Variants in SH3GL2 observed in about 807,000 individuals in gnomAD.
The protein encoded by SH3GL2 is endophilin-A1.
Under a neutral mutation model 46.0 loss-of-function variants are expected in SH3GL2, and 24 were observed. The observed-to-expected ratio is 0.52, with a 90% CI of 0.38 to 0.73. The LOEUF is 0.73. Among genes scored for constraint, SH3GL2 ranks in the 30% least tolerant of loss-of-function variants. The probability of loss-of-function intolerance (pLI) is 0.00; values close to 1 mark genes in which losing one functional copy is unlikely to be tolerated. For synonymous variants in SH3GL2, 196 were observed against 147.1 expected, an observed-to-expected ratio of 1.33 and a Z score of -2.40; for missense variants, 413 against 424.2, an observed-to-expected ratio of 0.97 and a Z score of 0.23.
chr9:17,721,637 A>G (rs1821896166), intron 1 of SH3GL2, among the ~76,000 whole-genome samples: 1 of 151,984 alleles, frequency 6.6e-6, no homozygotes, highest in Admixed American at 6.6e-5. Flanking sequence ...GTATATTTTT[A>G]TGGGCAGCTA....
intron 7 of SH3GL2, among the ~76,000 whole-genome samples, chr9:17,792,787 A>G (rs1303784076): frequency 4.6e-5 from 7 of 152,106 alleles, no homozygotes; most frequent in Non-Finnish European, 8.8e-5. Context: ...ACCCACAACC[A>G]CACCCCTGTG....
chr9:17,662,158 T>C (rs950848640), intron 1 of SH3GL2, among the ~76,000 whole-genome samples: 3 of 152,224 alleles, frequency 2.0e-5, no homozygotes, highest in Non-Finnish European at 4.4e-5. Flanking sequence ...TAGATCCTGT[T>C]GGTTGATGTC....
intron 1 of SH3GL2, among the ~76,000 whole-genome samples, chr9:17,661,800 A>G (rs1191867525): frequency 6.6e-6 from 1 of 152,000 alleles, no homozygotes; most frequent in Non-Finnish European, 1.5e-5. Context: ...TTAAAATCAG[A>G]TAGTCCTGAA....
At chr9:17,698,883 G>A (rs1031108464) in intron 1 of SH3GL2, among the ~76,000 whole-genome samples, 2 of 152,024 alleles carry the variant, frequency 1.3e-5, no homozygotes. Context: ...CAGGCCAGGC[G>A]CGATGGCTCA....
chr9:17,693,788 G>C (rs181101853), intron 1 of SH3GL2, among the ~76,000 whole-genome samples: 1 of 152,278 alleles, frequency 6.6e-6, no homozygotes, highest in Admixed American at 6.5e-5. Context: ...CTTTTGATGG[G>C]AGAGGAGTCT....
chr9:17,647,852 G>A (rs1009657228), intron 1 of SH3GL2, among the ~76,000 whole-genome samples: 5 of 152,082 alleles, frequency 3.3e-5, no homozygotes, highest in African/African-American at 7.2e-5. Flanking sequence ...TGAACTGTGT[G>A]GGTCCACTTA....
At chr9:17,735,076 T>C (rs1822291285) in intron 1 of SH3GL2, among the ~76,000 whole-genome samples, 1 of 152,114 alleles carries the variant, frequency 6.6e-6, no homozygotes, top group African/African-American at 2.4e-5. Context: ...TCTGCTTCAC[T>C]TTTGCCACAT....
rs891652381 is a variant in SH3GL2, at chr9:17,621,613, T to G, written c.45+42326T>G. ...ATGTTCTTTAACTCTGTTTAAAGTA[T>G]TGATGTCAGGATGATACTTCAAGTT... On this transcript the variant is annotated intron_variant, in intron 1 of 8. Coordinates refer to ENST00000380607, the MANE Select transcript of SH3GL2 (RefSeq NM_003026.5). Among the ~76,000 whole-genome samples, 5 of 152,326 alleles carry G rather than the reference T, an allele frequency of 3.3e-5. No individual in the cohort carries two copies. In the South Asian group the frequency reaches 8.3e-4, roughly 25 times the overall value.
intron 1 of SH3GL2, among the ~76,000 whole-genome samples, chr9:17,644,222 C>G (rs915093434): frequency 6.6e-6 from 1 of 151,828 alleles, no homozygotes; most frequent in Admixed American, 6.6e-5. Context: ...TGATTCTTCT[C>G]TCTTTTCTTC....
intron 3 of SH3GL2, among the ~76,000 whole-genome samples, chr9:17,781,968 G>A (rs756626192): frequency 6.6e-6 from 1 of 152,116 alleles, no homozygotes; most frequent in Non-Finnish European, 1.5e-5. Context: ...TCTCCACCTG[G>A]ATAATAAGCT....
At chr9:17,607,456 G>T (rs79634409) in intron 1 of SH3GL2, among the ~76,000 whole-genome samples, 15 of 152,294 alleles carry the variant, frequency 9.8e-5, no homozygotes, top group African/African-American at 3.6e-4. Context: ...TGGGTGAATT[G>T]GTGAGTGAGT....
chr9:17,733,734 T>C (rs1190594963), intron 1 of SH3GL2, among the ~76,000 whole-genome samples: 1 of 152,050 alleles, frequency 6.6e-6, no homozygotes, highest in Non-Finnish European at 1.5e-5. Context: ...TGTCCAACAA[T>C]GATAGACTGG....
At chr9:17,615,005 C>T (rs945310521) in intron 1 of SH3GL2, among the ~76,000 whole-genome samples, 2 of 152,194 alleles carry the variant, frequency 1.3e-5, no homozygotes, top group African/African-American at 4.8e-5. Context: ...CAATGACACC[C>T]TGACTAGAGT....
chr9:17,795,810 T>C lies in SH3GL2; in HGVS notation c.*67T>C, dbSNP rs141901678. ...TTACGGTTAACCACTGCTTTGGCAA[T>C]GCTGCTTATAACACATCCCAAGTGC... is the stretch of plus-strand genomic sequence containing the variant. On this transcript the variant is annotated 3_prime_UTR_variant, in exon 9 of 9. Coordinates refer to ENST00000380607, the MANE Select transcript of SH3GL2 (RefSeq NM_003026.5). The C allele has an allele frequency of 4.5e-6, 6 of 1,320,296 alleles. No individual in the cohort carries two copies. Among genetic ancestry groups the C allele is most frequent in the Non-Finnish European group, 6.4e-6 (6 of 932,566 alleles). 81.8% of individuals were successfully genotyped at this position (1,320,296 alleles called of 1,614,324 possible). A position where few individuals can be genotyped will look rare whatever the true frequency, so the allele number is the denominator to read the frequency against.
At chr9:17,787,537 A>G in intron 5 of SH3GL2, 24 bp downstream of exon 5, 1 of 1,603,720 alleles carries the variant, frequency 6.2e-7, no homozygotes. Flanking sequence ...GTCTTCTGGA[A>G]AGTGGGCAGT....
At chr9:17,643,556 C>T (rs1397319445) in intron 1 of SH3GL2, among the ~76,000 whole-genome samples, 3 of 151,866 alleles carry the variant, frequency 2.0e-5, no homozygotes, top group African/African-American at 7.3e-5. Flanking sequence ...CCATCAATAC[C>T]GACCTTATGG....
chr9:17,776,668 C>CTTTTTT (rs10660060), intron 3 of SH3GL2, among the ~76,000 whole-genome samples: 1 of 147,500 alleles, frequency 6.8e-6, no homozygotes. Context: ...AATGTCCCAT[C>CTTTTTT]TTTTTTTTTT....
chr9:17,769,684 C>T (rs1355527289), intron 3 of SH3GL2, among the ~76,000 whole-genome samples: 1 of 152,072 alleles, frequency 6.6e-6, no homozygotes, highest in Non-Finnish European at 1.5e-5. Flanking sequence ...CCTCATCCCT[C>T]TCATACCTCC....
At chr9:17,644,913 G>A (rs984441601) in intron 1 of SH3GL2, among the ~76,000 whole-genome samples, 1 of 142,446 alleles carries the variant, frequency 7.0e-6, no homozygotes, top group African/African-American at 2.5e-5. Flanking sequence ...GTCTAATATT[G>A]ACAGTGGGGT....
Sources: gnomAD v4.1 joint callset for allele counts (sites outside exome capture counted in the v4.1 genomes callset) on GRCh38, gnomAD v4.1.1 for gene constraint, MANE v1.5 for transcripts, NCBI Gene and HGNC (gene_info 2026-07-23, HGNC 2026-07-21) for gene names.